NAALADL2: variants seen among roughly 807,000 people sequenced by gnomAD.
The protein encoded by NAALADL2 is N-acetylated alpha-linked acidic dipeptidase like 2.
NAALADL2 carries 76 observed loss-of-function variants against 87.2 expected under a neutral mutation model. The ratio of observed to expected loss-of-function variants is 0.87; its 90% CI spans 0.72 to 1.05. The LOEUF (loss-of-function observed/expected upper bound fraction) is 1.05. Ranked by LOEUF, NAALADL2 falls within the 50% of genes least tolerant of loss-of-function variation. The pLI is 0.00. For missense variants in NAALADL2, 1,089 were observed against 945.8 expected (o/e 1.15, Z -1.99); for synonymous variants, 354 against 331.0 (o/e 1.07, Z -0.75).
At chr3:175,103,025 C>T (rs1245324011) in intron 2 of NAALADL2, among the ~76,000 whole-genome samples, 1 of 149,850 alleles carries the variant, frequency 6.7e-6, no homozygotes, top group Non-Finnish European at 1.5e-5. Context: ...GGGAGAATTG[C>T]TTGAACCCAG....
intron 2 of NAALADL2, among the ~76,000 whole-genome samples, chr3:175,203,127 C>T (rs925050003): frequency 6.6e-6 from 1 of 152,090 alleles, no homozygotes; most frequent in African/African-American, 2.4e-5. Context: ...CGCACCCTCC[C>T]CTGAGGTCTG....
chr3:175,390,293 T>C (rs1768923015), intron 5 of NAALADL2, among the ~76,000 whole-genome samples: 1 of 152,154 alleles, frequency 6.6e-6, no homozygotes, highest in African/African-American at 2.4e-5. Flanking sequence ...GCACATTAGA[T>C]ATAAAGATTT....
At chr3:175,320,051 A>G (rs1759649321) in intron 4 of NAALADL2, among the ~76,000 whole-genome samples, 1 of 152,214 alleles carries the variant, frequency 6.6e-6, no homozygotes, top group Admixed American at 6.5e-5. Context: ...CTAAAGTCAC[A>G]CAACGAGCAG....
At chr3:175,476,149 A>C (rs1342811996) in intron 9 of NAALADL2, among the ~76,000 whole-genome samples, 1 of 152,214 alleles carries the variant, frequency 6.6e-6, no homozygotes, top group Non-Finnish European at 1.5e-5. Context: ...CACAAAATGC[A>C]TACATATATT....
chr3:175,410,923 A>G (rs1713393730), intron 5 of NAALADL2, among the ~76,000 whole-genome samples: 1 of 152,200 alleles, frequency 6.6e-6, no homozygotes, highest in South Asian at 2.1e-4. Flanking sequence ...CTGAGGGTGA[A>G]GGTAATGGGA....
chr3:175,135,112 G>A (rs1728910554), intron 2 of NAALADL2, among the ~76,000 whole-genome samples: 1 of 152,060 alleles, frequency 6.6e-6, no homozygotes, highest in Admixed American at 6.5e-5. Context: ...TGCAAATAAT[G>A]TTTTGTTCAA....
intron 4 of NAALADL2, among the ~76,000 whole-genome samples, chr3:175,305,561 T>C (rs572803649): frequency 6.5e-4 from 99 of 152,222 alleles, no homozygotes; most frequent in Non-Finnish European, 1.3e-3. Flanking sequence ...TTGCTCTTGT[T>C]GTCCAGGCTG....
intron 11 of NAALADL2, among the ~76,000 whole-genome samples, chr3:175,681,143 T>G (rs9882029): frequency 0.11 from 17,133 of 152,120 alleles, 1,042 homozygotes; most frequent in Middle Eastern, 0.16. Flanking sequence ...AAAACAGCCT[T>G]TATAATTCTT....
chr3:175,715,471 AT>A (rs1339077231), intron 11 of NAALADL2, among the ~76,000 whole-genome samples: 3 of 152,196 alleles, frequency 2.0e-5, no homozygotes, highest in Non-Finnish European at 4.4e-5. Context: ...TTGCATAGAC[AT>A]TGTAAATGTT....
intron 6 of NAALADL2, among the ~76,000 whole-genome samples, chr3:175,457,744 A>G (rs150332888): frequency 0.024 from 3,559 of 149,998 alleles, 154 homozygotes; most frequent in East Asian, 0.14. Context: ...GCTGGTCTCA[A>G]ACTCTTGGCC....
intron 2 of NAALADL2, among the ~76,000 whole-genome samples, chr3:175,153,463 T>C (rs1173258437): frequency 6.6e-6 from 1 of 152,180 alleles, no homozygotes; most frequent in Admixed American, 6.5e-5. Context: ...GATGCAGCTC[T>C]TCATATACAG....
intron 13 of NAALADL2, among the ~76,000 whole-genome samples, chr3:175,801,710 T>C (rs893565598): frequency 2.0e-5 from 3 of 152,124 alleles, no homozygotes; most frequent in Non-Finnish European, 4.4e-5. Context: ...AAAATGTATT[T>C]AAGTTATTTA....
intron 5 of NAALADL2, among the ~76,000 whole-genome samples, chr3:175,341,403 G>A (rs907281182): frequency 2.0e-5 from 3 of 152,070 alleles, no homozygotes; most frequent in African/African-American, 4.8e-5. Context: ...CCATTTATCA[G>A]CTGATGGACA....
chr3:175,029,581 G>A (rs1352435426), intron 1 of NAALADL2, among the ~76,000 whole-genome samples: 1 of 151,986 alleles, frequency 6.6e-6, no homozygotes, highest in Non-Finnish European at 1.5e-5. Flanking sequence ...CAGTTAAAAG[G>A]GGAGAAAACG....
At chr3:175,142,499 A>C (rs1192255569) in intron 2 of NAALADL2, among the ~76,000 whole-genome samples, 1 of 152,070 alleles carries the variant, frequency 6.6e-6, no homozygotes, top group Non-Finnish European at 1.5e-5. Flanking sequence ...CGTAGTTACA[A>C]GTCTGTGAAG....
chr3:175,643,735 T>C (rs1729603146), intron 11 of NAALADL2, among the ~76,000 whole-genome samples: 1 of 151,890 alleles, frequency 6.6e-6, no homozygotes, highest in Admixed American at 6.6e-5. Context: ...AAGAACAAAC[T>C]ATTTTTCTGG....
intron 12 of NAALADL2, among the ~76,000 whole-genome samples, chr3:175,751,846 T>G (rs1023739282): frequency 6.6e-6 from 1 of 152,108 alleles, no homozygotes; most frequent in Admixed American, 6.6e-5. Flanking sequence ...TTTTATATAA[T>G]CTTAAGTTTT....
At chr3:175,130,814 T>C (rs753117403) in intron 2 of NAALADL2, among the ~76,000 whole-genome samples, 12 of 152,222 alleles carry the variant, frequency 7.9e-5, no homozygotes, top group Non-Finnish European at 1.5e-4. Context: ...TGTAGCTTTG[T>C]AATATAGTTT....
intron 12 of NAALADL2, among the ~76,000 whole-genome samples, chr3:175,743,055 G>A (rs1230332085): frequency 1.3e-5 from 2 of 151,442 alleles, no homozygotes; most frequent in African/African-American, 4.9e-5. Flanking sequence ...GAGTGCAGTG[G>A]TGCTGCGCGA....
Sources: allele counts gnomAD v4.1 joint callset (sites outside exome capture counted in the v4.1 genomes callset), GRCh38; gene constraint gnomAD v4.1.1; transcripts MANE v1.5; gene names NCBI Gene and HGNC (gene_info 2026-07-23, HGNC 2026-07-21).